DPYSL2: variants seen among roughly 807,000 people sequenced by gnomAD.
The protein encoded by DPYSL2 is dihydropyrimidinase-related protein 2.
Under a neutral mutation model 69.9 loss-of-function variants are expected in DPYSL2, and 13 were observed. The observed-to-expected ratio is 0.19, with a 90% CI of 0.12 to 0.30. The LOEUF is 0.30. DPYSL2 is among the 10% of genes least tolerant of loss of function. The pLI is 1.00. For synonymous variants in DPYSL2, 326 were observed against 359.1 expected, an observed-to-expected ratio of 0.91 and a Z score of 1.04; for missense variants, 587 against 918.9, an observed-to-expected ratio of 0.64 and a Z score of 4.67.
intron 1 of DPYSL2, among the ~76,000 whole-genome samples, chr8:26,526,388 A>G (rs1170009048): frequency 6.6e-6 from 1 of 152,068 alleles, no homozygotes; most frequent in Non-Finnish European, 1.5e-5. Flanking sequence ...CCACCTTGCC[A>G]ACTCTGGGGT....
rs534727837 is a variant in DPYSL2 at position 26,653,770 on chromosome 8, C to A, written c.1942+373C>A. ...ACGGAGTATCACCATGTTGGCCAGGCTGATAGAACTCCTGACTTCAGGTGA... is the reference window on the plus strand; with the variant it reads ...ACGGAGTATCACCATGTTGGCCAGGATGATAGAACTCCTGACTTCAGGTGA... On this transcript the variant is annotated intron_variant, in intron 13 of 13. Coordinates refer to ENST00000521913, the MANE Select transcript of DPYSL2 (RefSeq NM_001197293.3). This position sits in a 1 kb window ranked among gnomAD's most constrained non-coding sequence, Gnocchi z 5.7. 6.6e-6 allele frequency among the ~76,000 whole-genome samples: 1 copy of A among 152,104 alleles called. No individual in the cohort carries two copies. The highest frequency in any genetic ancestry group is 2.4e-5 in the African/African-American group (1 of 41,424).
At chr8:26,603,085 A>G (rs1186423291) in intron 3 of DPYSL2, among the ~76,000 whole-genome samples, 1 of 152,106 alleles carries the variant, frequency 6.6e-6, no homozygotes, top group African/African-American at 2.4e-5. Flanking sequence ...AGGATGTTTG[A>G]GTTCTATCTT....
At chr8:26,527,804 CTTT>C (rs34631984) in intron 1 of DPYSL2, among the ~76,000 whole-genome samples, 4 of 132,714 alleles carry the variant, frequency 3.0e-5, no homozygotes, top group Non-Finnish European at 3.1e-5. Context: ...TTTGTTTATC[CTTT>C]TTTTTTTTTT....
At chr8:26,622,457 TG>T (rs201854056) in intron 3 of DPYSL2, among the ~76,000 whole-genome samples, 1,835 of 111,618 alleles carry the variant, frequency 0.016, 21 homozygotes, top group Middle Eastern at 0.074. Flanking sequence ...TATGTGTGTG[TG>T]TGTGTGTGTG....
intron 11 of DPYSL2, among the ~76,000 whole-genome samples, chr8:26,649,856 G>T (rs1803247583): frequency 6.6e-6 from 1 of 152,162 alleles, no homozygotes; most frequent in Non-Finnish European, 1.5e-5. Flanking sequence ...TGGAGAGTAG[G>T]CTCTGAGTAT....
chr8:26,577,055 G>A (rs1801362523), intron 1 of DPYSL2: 5 of 403,862 alleles, frequency 1.2e-5, no homozygotes, highest in Admixed American at 2.8e-5. Flanking sequence ...CCTCGCGGCC[G>A]GAAGGCACAA....
At chr8:26,600,439 C>T (rs1026164816) in intron 3 of DPYSL2, among the ~76,000 whole-genome samples, 6 of 152,146 alleles carry the variant, frequency 3.9e-5, no homozygotes, top group Admixed American at 6.5e-5. Context: ...CCGGTTTCTT[C>T]GCATCCTTGC....
rs924097066 is a variant in DPYSL2, at chr8:26,585,873, A to C, written c.628+1890A>C. 1.3e-5 allele frequency among the ~76,000 whole-genome samples: 2 copies of C among 152,142 alleles called. No homozygotes were observed. Among genetic ancestry groups the C allele is most frequent in the Non-Finnish European group, 2.9e-5 (2 of 68,018 alleles). ...ATGCCTGTAATTCCAGCACTTTGGGAGCCTGAGGTGGGTGGATCACTTGAG... is the reference window on the plus strand; with the variant it reads ...ATGCCTGTAATTCCAGCACTTTGGGCGCCTGAGGTGGGTGGATCACTTGAG... On this transcript the variant is annotated intron_variant, in intron 3 of 13. Transcript: ENST00000521913. This position sits in a 1 kb window ranked among gnomAD's most constrained non-coding sequence, Gnocchi z 4.0.
chr8:26,618,951 G>A (rs1802420932), intron 3 of DPYSL2, among the ~76,000 whole-genome samples: 3 of 151,788 alleles, frequency 2.0e-5, no homozygotes, highest in African/African-American at 7.3e-5. Context: ...AGAGTGAAAC[G>A]CCATCTCAAA....
rs1776356921 is a variant in DPYSL2, at chr8:26,571,704, C to A, written c.355-10265C>A. Among the ~76,000 whole-genome samples the A allele has an allele frequency of 6.6e-6, 1 of 152,158 alleles. No individual in the cohort carries two copies. Among genetic ancestry groups the A allele is most frequent in the Non-Finnish European group, 1.5e-5 (1 of 68,010 alleles). ...TGTGTCCTCAGAATCCTAGCAGAGC[C>A]CCCATGCTGGCCGGCAGTCTGTACA... On this transcript the variant is annotated intron_variant, in intron 1 of 13. Coordinates refer to ENST00000521913, the MANE Select transcript of DPYSL2 (RefSeq NM_001197293.3). This position sits in a 1 kb window ranked among gnomAD's most constrained non-coding sequence, Gnocchi z 6.1.
intron 3 of DPYSL2, among the ~76,000 whole-genome samples, chr8:26,592,184 C>A (rs759027309): frequency 1.2e-4 from 18 of 152,136 alleles, no homozygotes; most frequent in African/African-American, 3.9e-4. Flanking sequence ...TTTTTAGAAA[C>A]GGTGTCTCAC....
At chr8:26,577,772 T>C (rs554662733) in intron 1 of DPYSL2, 18 of 987,444 alleles carry the variant, frequency 1.8e-5, no homozygotes, top group Non-Finnish European at 2.2e-5. Context: ...GGCCGTTCAC[T>C]GCCGCATTTC....
chr8:26,524,826 AAAAAAAAAAAG>A (rs2117604070), intron 1 of DPYSL2, among the ~76,000 whole-genome samples: 1 of 143,396 alleles, frequency 7.0e-6, no homozygotes, highest in East Asian at 2.0e-4. Context: ...AAAAAAAAAA[AAAAAAAAAAAG>A]AGAGAGAATT....
chr8:26,638,508 T>A (rs1802966958), intron 8 of DPYSL2, among the ~76,000 whole-genome samples: 1 of 152,158 alleles, frequency 6.6e-6, no homozygotes, highest in African/African-American at 2.4e-5. Flanking sequence ...TTCACGTGCC[T>A]GCTTGAGCCA....
At chr8:26,547,909 T>C (rs753997792) in intron 1 of DPYSL2, 15 of 269,496 alleles carry the variant, frequency 5.6e-5, no homozygotes, top group Admixed American at 2.4e-4. Flanking sequence ...GAAATCCCCA[T>C]CCCAGACCCT....
In DPYSL2 at chr8:26,587,491, C is replaced by T. The variant is rs1052716557; in HGVS notation, c.628+3508C>T. Among the ~76,000 whole-genome samples the T allele has an allele frequency of 6.6e-6, 1 of 152,198 alleles. No individual in the cohort carries two copies. Among genetic ancestry groups the T allele is most frequent in the African/African-American group, 2.4e-5 (1 of 41,442 alleles). ...CTCTGCGTTTCCCAGGTCACAGGCCCTGGAGACTCCTTTCTGTCTGAAATG... is the reference window on the plus strand; with the variant it reads ...CTCTGCGTTTCCCAGGTCACAGGCCTTGGAGACTCCTTTCTGTCTGAAATG... On this transcript the variant is annotated intron_variant, in intron 3 of 13. Transcript: ENST00000521913. This position sits in a 1 kb window ranked among gnomAD's most constrained non-coding sequence, Gnocchi z 4.2.
intron 3 of DPYSL2, among the ~76,000 whole-genome samples, chr8:26,604,319 A>G (rs536788792): frequency 6.6e-6 from 1 of 152,166 alleles, no homozygotes; most frequent in African/African-American, 2.4e-5. Flanking sequence ...ACATTTGCAT[A>G]GTGAGGTGTG....
intron 3 of DPYSL2, among the ~76,000 whole-genome samples, chr8:26,622,135 TTCCTTCCTTCCTTCCTTCCTTCCC>T (rs1802499824): frequency 1.8e-5 from 1 of 54,162 alleles, no homozygotes; most frequent in Non-Finnish European, 4.5e-5. Context: ...CCTTCCTTCC[TTCCTTCCTTCCTTCCTTCCTTCCC>T]TCTCTCTCTC....
intron 1 of DPYSL2, chr8:26,577,078 G>A: frequency 4.6e-6 from 2 of 432,848 alleles, no homozygotes; most frequent in African/African-American, 2.1e-5. Context: ...GGATGTTTCA[G>A]GGCGGGGTTT....
Sources: allele counts gnomAD v4.1 joint callset (sites outside exome capture counted in the v4.1 genomes callset), GRCh38; gene constraint gnomAD v4.1.1; non-coding constraint Gnocchi (gnomAD v3.1); transcripts MANE v1.5; gene names NCBI Gene and HGNC (gene_info 2026-07-23, HGNC 2026-07-21).